Variants in TRPM8 observed in about 807,000 individuals in gnomAD.
TRPM8 encodes transient receptor potential cation channel subfamily M member 8.
In TRPM8, 110 loss-of-function variants were observed where a neutral mutation model predicts 133.7. The ratio of observed to expected loss-of-function variants is 0.82; its 90% CI spans 0.70 to 0.96. TRPM8 has a LOEUF of 0.96. TRPM8 is among the 40% of genes least tolerant of loss of function. TRPM8 has a pLI of 0.00. For synonymous variants in TRPM8, 535 were observed against 532.3 expected, an observed-to-expected ratio of 1.01 and a Z score of -0.07; for missense variants, 1,291 against 1,379.5, an observed-to-expected ratio of 0.94 and a Z score of 1.02.
chr2:233,939,568 T>A (rs1415163160), intron 5 of TRPM8, among the ~76,000 whole-genome samples: 1 of 152,230 alleles, frequency 6.6e-6, no homozygotes, highest in Non-Finnish European at 1.5e-5. Context: ...TGACAGTGCC[T>A]GAGAAATTGT....
intron 14 of TRPM8, chr2:233,966,077 T>G (rs1691563295): frequency 6.5e-6 from 1 of 152,952 alleles, no homozygotes; most frequent in South Asian, 2.1e-4. Flanking sequence ...CTCGAACTCC[T>G]GACCTCAGGT....
At chr2:233,990,230 A>G (rs951066251) in intron 21 of TRPM8, among the ~76,000 whole-genome samples, 2 of 152,200 alleles carry the variant, frequency 1.3e-5, no homozygotes, top group Non-Finnish European at 2.9e-5. Context: ...ATTATTACTC[A>G]TTTCTGTGTA....
intron 11 of TRPM8, among the ~76,000 whole-genome samples, chr2:233,956,445 C>G (rs994941602): frequency 6.6e-6 from 1 of 152,156 alleles, no homozygotes; most frequent in African/African-American, 2.4e-5. Context: ...GCCCTAGGAG[C>G]CTTGTTCAAT....
chr2:233,927,260 G>A (rs1470672607), intron 2 of TRPM8, among the ~76,000 whole-genome samples: 1 of 152,232 alleles, frequency 6.6e-6, no homozygotes, highest in Non-Finnish European at 1.5e-5. Flanking sequence ...GTGGTGGGAG[G>A]CAGTTCTGGG....
chr2:233,936,155 T>G (rs1048971561), intron 3 of TRPM8, among the ~76,000 whole-genome samples: 3 of 152,114 alleles, frequency 2.0e-5, no homozygotes, highest in African/African-American at 7.2e-5. Flanking sequence ...TTTTGTTTGT[T>G]TCTCTGCACT....
At position 234,018,338 on chromosome 2, in the gene TRPM8, A is replaced by T. The variant is rs922022275; in HGVS notation, c.*1082A>T. 2.0e-5 allele frequency: 3 copies of T among 152,064 alleles called. No homozygotes were observed. Among genetic ancestry groups the T allele is most frequent in the African/African-American group, 7.2e-5 (3 of 41,440 alleles). 9.4% of individuals were successfully genotyped at this position (152,064 alleles called of 1,614,324 possible). Reference sequence around the variant, plus strand: ...CATTGAAGGCTATCTCCAGTTGATCATTGGGATGAGCATCTTTGTGCATGA... The same window carrying T: ...CATTGAAGGCTATCTCCAGTTGATCTTTGGGATGAGCATCTTTGTGCATGA... On this transcript the variant is annotated 3_prime_UTR_variant, in exon 26 of 26. Transcript: ENST00000324695.
chr2:233,939,081 G>T lies in TRPM8; in HGVS notation c.432G>T (p.Leu144=), dbSNP rs200796598. 1.7e-5 allele frequency: 28 copies of T among 1,614,202 alleles called. No homozygotes were observed. In the East Asian group the frequency reaches 6.2e-4, roughly 36 times the overall value. ...ACTGGCACCTGAAAACACCCAACCT[G>T]GTCATTTCTGTGACCGGGGGCGCCA... ...TQHWHLKTPN[L]VISVTGGAKN... The change falls in exon 5 of 26, where the codon CTG becomes CTT. Residue 144 remains leucine, a synonymous_variant. Coordinates refer to ENST00000324695, the MANE Select transcript of TRPM8 (RefSeq NM_024080.5).
intron 23 of TRPM8, 60 bp from the exon 24 acceptor site, chr2:234,008,010 T>A: frequency 6.6e-7 from 1 of 1,524,640 alleles, no homozygotes; most frequent in South Asian, 1.2e-5. Flanking sequence ...TGGAGCCTAA[T>A]AGCCCTCTCT....
chr2:233,926,812 G>A lies in TRPM8; in HGVS notation c.117+158G>A, dbSNP rs369905609. Among the ~76,000 whole-genome samples, 145 of 152,224 alleles carry A rather than the reference G, an allele frequency of 9.5e-4. 1 individual carries two copies. Among genetic ancestry groups the A allele is most frequent in the Non-Finnish European group, 1.8e-3 (122 of 68,028 alleles). ...CTCAGTGCTCTTGTTTCCGGTCTGA[G>A]CCTTGAATCACAGTCCCTTCTCCAG... On this transcript the variant is annotated intron_variant, in intron 2 of 25. Coordinates refer to ENST00000324695, the MANE Select transcript of TRPM8 (RefSeq NM_024080.5).
intron 1 of TRPM8, among the ~76,000 whole-genome samples, chr2:233,925,159 G>A (rs1464868960): frequency 1.3e-5 from 2 of 152,198 alleles, no homozygotes; most frequent in African/African-American, 2.4e-5. Flanking sequence ...AACAGGTGAC[G>A]TGGAAATAGT....
chr2:234,000,646 G>A (rs1692534554), intron 22 of TRPM8, among the ~76,000 whole-genome samples: 1 of 151,316 alleles, frequency 6.6e-6, no homozygotes, highest in Admixed American at 6.6e-5. Context: ...TGACATAGGA[G>A]CCTTCATAAG....
intron 21 of TRPM8, among the ~76,000 whole-genome samples, chr2:233,992,984 C>A (rs1435161639): frequency 1.3e-5 from 2 of 152,130 alleles, no homozygotes; most frequent in Admixed American, 1.3e-4. Flanking sequence ...CCATTAGGAG[C>A]CCCCCTCTGG....
At chr2:233,998,115 T>C (rs906142933) in intron 22 of TRPM8, among the ~76,000 whole-genome samples, 2 of 152,096 alleles carry the variant, frequency 1.3e-5, no homozygotes, top group African/African-American at 4.8e-5. Context: ...CCTCATCCCT[T>C]AACCTCAGAC....
chr2:233,938,834 C>T (rs17862925), intron 4 of TRPM8, among the ~76,000 whole-genome samples, 164 bp from the exon 5 acceptor site: 13,800 of 152,146 alleles, frequency 0.091, 809 homozygotes, highest in Non-Finnish European at 0.14. Context: ...GGGGCCTTGG[C>T]ACGGCGCCCG....
chr2:234,006,001 GT>G (rs1288810796), intron 22 of TRPM8, among the ~76,000 whole-genome samples: 1 of 150,120 alleles, frequency 6.7e-6, no homozygotes, highest in Non-Finnish European at 1.5e-5. Flanking sequence ...GTGCATATTG[GT>G]TCTGTCTTTG....
chr2:233,981,572 C>T (rs527356734), intron 18 of TRPM8, among the ~76,000 whole-genome samples: 33 of 152,122 alleles, frequency 2.2e-4, no homozygotes, highest in African/African-American at 7.0e-4. Flanking sequence ...CTTTGCTTTT[C>T]ATGTCTTTTC....
rs764593075 is a variant in TRPM8, at chr2:233,981,894, G to T, written c.2568G>T (p.Lys856Asn). Residue 856 changes from lysine to asparagine, a missense_variant, in exon 19 of 26, where the codon AAG becomes AAT. Coordinates refer to ENST00000324695, the MANE Select transcript of TRPM8 (RefSeq NM_024080.5). ...CTGTAAGCAGAAACTTAGGACCCAA[G>T]ATTATAATGCTGCAGAGGATGGTAA... ...IFTVSRNLGPKIIMLQRMLID... is the reference protein window; with the variant it reads ...IFTVSRNLGPNIIMLQRMLID... 5 of 1,612,444 alleles carry T rather than the reference G, an allele frequency of 3.1e-6. No homozygotes were observed. In the Admixed American group the frequency reaches 5.0e-5, roughly 16 times the overall value.
At chr2:233,935,170 C>T (rs1388745081) in intron 3 of TRPM8, among the ~76,000 whole-genome samples, 1 of 152,138 alleles carries the variant, frequency 6.6e-6, no homozygotes, top group African/African-American at 2.4e-5. Context: ...TGCTAAATGC[C>T]CTGATGTGCC....
At chr2:233,996,204 T>C (rs1453146995) in intron 21 of TRPM8, 122 bp from the exon 22 acceptor site, 2 of 829,060 alleles carry the variant, frequency 2.4e-6, no homozygotes, top group African/African-American at 3.4e-5. Context: ...CTCTGGATTC[T>C]TCTCTCCTGT....
Sources: allele counts gnomAD v4.1 joint callset (sites outside exome capture counted in the v4.1 genomes callset), GRCh38; gene constraint gnomAD v4.1.1; transcripts MANE v1.5; gene names NCBI Gene and HGNC (gene_info 2026-07-23, HGNC 2026-07-21).